DLGAP2: variants seen among roughly 807,000 people sequenced by gnomAD.
DLGAP2 encodes the protein DLG associated protein 2.
Under a neutral mutation model 100.3 loss-of-function variants are expected in DLGAP2, and 26 were observed. The observed-to-expected ratio is 0.26, with a 90% confidence interval of 0.19 to 0.36. The LOEUF (loss-of-function observed/expected upper bound fraction) is 0.36. DLGAP2 is among the 10% of genes least tolerant of loss of function. DLGAP2 has a pLI of 1.00. For synonymous variants in DLGAP2, 886 were observed against 630.1 expected, an observed-to-expected ratio of 1.41 and a Z score of -6.08; for missense variants, 1,858 against 1,453.2, an observed-to-expected ratio of 1.28 and a Z score of -4.53.
chr8:1,365,907 C>G (rs1362012476), intron 3 of DLGAP2, among the ~76,000 whole-genome samples: 2 of 152,214 alleles, frequency 1.3e-5, no homozygotes, highest in African/African-American at 2.4e-5. Context: ...GGAGGAAAAA[C>G]AGGTGATGGC....
intron 3 of DLGAP2, among the ~76,000 whole-genome samples, chr8:1,306,618 C>G (rs768677105): frequency 2.6e-5 from 4 of 152,052 alleles, no homozygotes; most frequent in African/African-American, 4.8e-5. Context: ...AAGTTGGAGT[C>G]TCACACTTCC....
intron 4 of DLGAP2, among the ~76,000 whole-genome samples, chr8:1,538,858 C>T (rs1473111179): frequency 6.6e-6 from 1 of 151,746 alleles, no homozygotes; most frequent in Admixed American, 6.6e-5. Flanking sequence ...AGGCACAGCC[C>T]CTCGTGTCAT....
chr8:770,750 T>G (rs915478212), intron 1 of DLGAP2, among the ~76,000 whole-genome samples: 1 of 152,206 alleles, frequency 6.6e-6, no homozygotes, highest in African/African-American at 2.4e-5. Flanking sequence ...TGTGAGCCCC[T>G]GAGCTGTAAA....
chr8:1,533,507 A>C (rs1475622348), intron 4 of DLGAP2, among the ~76,000 whole-genome samples: 1 of 137,104 alleles, frequency 7.3e-6, no homozygotes, highest in Non-Finnish European at 1.5e-5. Flanking sequence ...CTCTGTCTCC[A>C]AAAAAAAAAA....
At chr8:1,001,016 A>T (rs1335084301) in intron 2 of DLGAP2, among the ~76,000 whole-genome samples, 1 of 152,110 alleles carries the variant, frequency 6.6e-6, no homozygotes, top group Non-Finnish European at 1.5e-5. Flanking sequence ...TAAAATCAGG[A>T]GGTGTCGATG....
chr8:1,579,708 A>G (rs933753956), intron 6 of DLGAP2, among the ~76,000 whole-genome samples: 22 of 152,228 alleles, frequency 1.4e-4, no homozygotes, highest in African/African-American at 5.1e-4. Flanking sequence ...CTGAAAATCT[A>G]AAAGTTTATT....
intron 1 of DLGAP2, among the ~76,000 whole-genome samples, chr8:833,546 G>C (rs1215731125): frequency 6.6e-6 from 1 of 152,134 alleles, no homozygotes; most frequent in South Asian, 2.1e-4. Context: ...TGCATCTCTG[G>C]CTCAAGGTTC....
At chr8:1,225,323 G>A (rs1318504577) in intron 2 of DLGAP2, among the ~76,000 whole-genome samples, 2 of 152,200 alleles carry the variant, frequency 1.3e-5, no homozygotes, top group African/African-American at 2.4e-5. Context: ...AAAGAAGCCA[G>A]ACAAAAAATG....
chr8:1,017,861 G>A (rs929075230), intron 2 of DLGAP2, among the ~76,000 whole-genome samples: 8 of 152,226 alleles, frequency 5.3e-5, no homozygotes, highest in Admixed American at 1.3e-4. Context: ...TTCAGGGCAG[G>A]CAAACTGTGG....
At chr8:1,414,469 T>C (rs1796822540) in intron 3 of DLGAP2, among the ~76,000 whole-genome samples, 1 of 152,184 alleles carries the variant, frequency 6.6e-6, no homozygotes, top group Non-Finnish European at 1.5e-5. Context: ...CATGAGGGAC[T>C]GACCAGGCCG....
chr8:1,445,881 A>G (rs1414764433), intron 3 of DLGAP2, among the ~76,000 whole-genome samples: 1 of 152,214 alleles, frequency 6.6e-6, no homozygotes, highest in African/African-American at 2.4e-5. Context: ...GGCTGCATAA[A>G]TGTCTTCTTT....
intron 2 of DLGAP2, among the ~76,000 whole-genome samples, chr8:1,012,525 C>T (rs141514675): frequency 0.032 from 4,439 of 138,304 alleles, 211 homozygotes; most frequent in South Asian, 0.12. Flanking sequence ...GGACAACGTC[C>T]GACCAGCCCC....
chr8:768,128 A>T (rs146964228), intron 1 of DLGAP2, among the ~76,000 whole-genome samples: 25 of 152,096 alleles, frequency 1.6e-4, no homozygotes, highest in African/African-American at 5.8e-4. Context: ...AGGTCCCCTC[A>T]CTCATTGTCC....
chr8:984,389 T>G (rs906929308), intron 2 of DLGAP2, among the ~76,000 whole-genome samples: 5 of 152,234 alleles, frequency 3.3e-5, no homozygotes, highest in Admixed American at 2.6e-4. Flanking sequence ...CTTTTAATTG[T>G]GCCCTTACAG....
intron 3 of DLGAP2, among the ~76,000 whole-genome samples, chr8:1,288,169 G>C (rs1223573190): frequency 7.8e-6 from 1 of 128,464 alleles, no homozygotes; most frequent in Non-Finnish European, 1.6e-5. Context: ...TTTCTGTTAG[G>C]AGGGGAACTA....
At chr8:1,650,914 C>T (rs1019019746) in intron 8 of DLGAP2, among the ~76,000 whole-genome samples, 1 of 151,048 alleles carries the variant, frequency 6.6e-6, no homozygotes, top group East Asian at 1.9e-4. Flanking sequence ...GAGACAGAAG[C>T]TTGGGTGACA....
chr8:1,122,314 G>A (rs928797858), intron 2 of DLGAP2, among the ~76,000 whole-genome samples: 3 of 152,154 alleles, frequency 2.0e-5, no homozygotes, highest in Non-Finnish European at 4.4e-5. Flanking sequence ...CTCTGGTCAG[G>A]ACTGAAAGAA....
chr8:1,244,061 C>T (rs907485974), intron 2 of DLGAP2, among the ~76,000 whole-genome samples: 9 of 152,086 alleles, frequency 5.9e-5, no homozygotes, highest in East Asian at 3.9e-4. Flanking sequence ...CGCACTCCAC[C>T]GTAGGGATGG....
At chr8:1,152,634 G>T (rs986799292) in intron 2 of DLGAP2, among the ~76,000 whole-genome samples, 5 of 152,194 alleles carry the variant, frequency 3.3e-5, no homozygotes, top group Non-Finnish European at 7.3e-5. Context: ...GGAACTCCCA[G>T]GGGTGCCTGC....
Sources: gnomAD v4.1 joint callset for allele counts (sites outside exome capture counted in the v4.1 genomes callset) on GRCh38, gnomAD v4.1.1 for gene constraint, MANE v1.5 for transcripts, NCBI Gene and HGNC (gene_info 2026-07-23, HGNC 2026-07-21) for gene names.